The following RORA variants were observed in gnomAD, a reference collection of about 807,000 sequenced individuals.
The protein encoded by RORA is RAR related orphan receptor A.
Under a neutral mutation model 69.5 loss-of-function variants are expected in RORA, and 7 were observed. That is an observed-to-expected ratio of 0.10 (90% CI 0.06 to 0.19). The LOEUF (loss-of-function observed/expected upper bound fraction) is 0.19, where lower values mean the gene tolerates loss of function less well. RORA is among the 10% of genes least tolerant of loss of function. The probability of loss-of-function intolerance (pLI) is 1.00; values close to 1 mark genes in which losing one functional copy is unlikely to be tolerated. For synonymous variants in RORA, 261 were observed against 240.8 expected, an observed-to-expected ratio of 1.08 and a Z score of -0.78; for missense variants, 457 against 663.0, an observed-to-expected ratio of 0.69 and a Z score of 3.41.
chr15:61,017,511 CT>C, intron 1 of RORA, among the ~76,000 whole-genome samples: 1 of 151,896 alleles, frequency 6.6e-6, no homozygotes, highest in Non-Finnish European at 1.5e-5. Context: ...AGTTTGCAAG[CT>C]TAAAAAAAAG....
At chr15:60,506,472 C>T (rs1251824696) in intron 5 of RORA, among the ~76,000 whole-genome samples, 1 of 152,110 alleles carries the variant, frequency 6.6e-6, no homozygotes, top group Admixed American at 6.5e-5. Flanking sequence ...TATGAACACA[C>T]TGGAAGGACA....
chr15:60,648,485 C>T (rs548360912), intron 2 of RORA, among the ~76,000 whole-genome samples: 6 of 152,170 alleles, frequency 3.9e-5, no homozygotes, highest in Non-Finnish European at 8.8e-5. Flanking sequence ...CTTCCACAAG[C>T]CTAGGATAAA....
In RORA at chr15:60,711,861, T is replaced by C. The variant is rs568773567; in HGVS notation, c.167-33175A>G. On this transcript the variant is annotated intron_variant, in intron 1 of 10. Transcript: ENST00000335670. ...AATCCAACATTTAAAATACCGCTAC[T>C]GAAACAAATTATATGATAATAAAAC... Among the ~76,000 whole-genome samples, 5 of 152,304 alleles carry C rather than the reference T, an allele frequency of 3.3e-5. No individual in the cohort carries two copies. The East Asian group carries it at 7.7e-4, about 23-fold the overall frequency.
At chr15:60,883,150 AAGAAAG>A (rs1337841703) in intron 1 of RORA, among the ~76,000 whole-genome samples, 3 of 48,590 alleles carry the variant, frequency 6.2e-5, no homozygotes, top group African/African-American at 8.3e-5. Context: ...AAAAAAAAAA[AAGAAAG>A]AGAGAGAGAG....
intron 2 of RORA, among the ~76,000 whole-genome samples, chr15:60,541,904 C>T (rs1276452156): frequency 6.6e-6 from 1 of 152,180 alleles, no homozygotes; most frequent in South Asian, 2.1e-4. Context: ...CCTTCCTATT[C>T]CATTTTCAGT....
intron 1 of RORA, among the ~76,000 whole-genome samples, chr15:60,941,394 G>A (rs545564352): frequency 5.9e-5 from 9 of 152,344 alleles, no homozygotes; most frequent in South Asian, 2.1e-4. Context: ...TTGGCGTCTC[G>A]CGATTCCATT....
intron 1 of RORA, among the ~76,000 whole-genome samples, chr15:60,709,942 G>C (rs554384032): frequency 1.2e-4 from 18 of 152,242 alleles, no homozygotes; most frequent in African/African-American, 3.4e-4. Context: ...CCCTGCCTCT[G>C]TATGCCACAT....
At chr15:60,780,733 T>C (rs1273879444) in intron 1 of RORA, among the ~76,000 whole-genome samples, 2 of 152,156 alleles carry the variant, frequency 1.3e-5, no homozygotes, top group African/African-American at 4.8e-5. Context: ...CGTGTAGCCA[T>C]GTAGTCGTAA....
At chr15:60,936,634 A>T (rs74017882) in intron 1 of RORA, among the ~76,000 whole-genome samples, 1,666 of 152,338 alleles carry the variant, frequency 0.011, 33 homozygotes, top group African/African-American at 0.037. Flanking sequence ...ACCAGCAAGG[A>T]TGGTTCTGCC....
chr15:61,193,677 G>C (rs1015455795), intron 1 of RORA, among the ~76,000 whole-genome samples: 2 of 152,140 alleles, frequency 1.3e-5, no homozygotes, highest in Non-Finnish European at 2.9e-5. Flanking sequence ...AGCTCCATTT[G>C]CTTATGAAGA....
intron 1 of RORA, among the ~76,000 whole-genome samples, chr15:60,974,484 G>C (rs1287141926): frequency 8.0e-6 from 1 of 125,252 alleles, no homozygotes; most frequent in African/African-American, 2.8e-5. Flanking sequence ...CTGCTAAGGA[G>C]AGTGTGATTA....
intron 1 of RORA, among the ~76,000 whole-genome samples, chr15:61,103,748 T>C (rs2078912934): frequency 6.6e-6 from 1 of 152,152 alleles, no homozygotes; most frequent in Non-Finnish European, 1.5e-5. Context: ...TAAAGACCTT[T>C]ATGTGTGGGC....
chr15:61,133,960 G>A (rs74863004), intron 1 of RORA, among the ~76,000 whole-genome samples: 3 of 152,252 alleles, frequency 2.0e-5, no homozygotes, highest in African/African-American at 7.2e-5. Context: ...TGAAAGGAGA[G>A]GCCAAGTTTG....
Position 60,896,721 on chromosome 15 carries a change from G to A in RORA, c.167-218035C>T, listed in dbSNP as rs541660816. 6.0e-4 allele frequency among the ~76,000 whole-genome samples: 85 copies of A among 141,748 alleles called. No homozygotes were observed. The South Asian group carries it at 0.018, about 30-fold the overall frequency. 93.0% of individuals were successfully genotyped at this position (141,748 alleles called of 152,430 possible). A position where few individuals can be genotyped will look rare whatever the true frequency, so the allele number is the denominator to read the frequency against. On this transcript the variant is annotated intron_variant, in intron 1 of 10. Coordinates refer to ENST00000335670, the MANE Select transcript of RORA (RefSeq NM_134261.3). ...AAGCCTGTTTAATTAGCAAGACTCT[G>A]GAGAATTTAGCTTTTTTTTTTTTTT...
chr15:61,164,084 G>A (rs554574933), intron 1 of RORA, among the ~76,000 whole-genome samples: 2 of 152,144 alleles, frequency 1.3e-5, no homozygotes, highest in East Asian at 1.9e-4. Flanking sequence ...GAGAGTGTAG[G>A]TGTCTGTGCA....
At chr15:61,081,349 G>T (rs1265404931) in intron 1 of RORA, among the ~76,000 whole-genome samples, 1 of 152,144 alleles carries the variant, frequency 6.6e-6, no homozygotes, top group African/African-American at 2.4e-5. Context: ...AGAGGGAAAT[G>T]AACTAGATAC....
chr15:60,537,462 G>A lies in RORA; in HGVS notation c.197-5611C>T, dbSNP rs2066715368. 6.6e-6 allele frequency among the ~76,000 whole-genome samples: 1 copy of A among 152,098 alleles called. No individual in the cohort carries two copies. The highest frequency in any genetic ancestry group is 2.4e-5 in the African/African-American group (1 of 41,388). On this transcript the variant is annotated intron_variant, in intron 2 of 10. Transcript: ENST00000335670. This position sits in a 1 kb window ranked among gnomAD's most constrained non-coding sequence, Gnocchi z 4.9. ...GTAGTGCCCCTTCTCTACAGTGCTA[G>A]GAGTGGACAGTTCAGGGAGCAACAT...
At chr15:60,755,095 T>C (rs1233946377) in intron 1 of RORA, among the ~76,000 whole-genome samples, 4 of 150,586 alleles carry the variant, frequency 2.7e-5, no homozygotes, top group Non-Finnish European at 5.9e-5. Context: ...TAACTCGTCA[T>C]TTAGCATTAG....
At chr15:60,866,280 C>T (rs151103560) in intron 1 of RORA, among the ~76,000 whole-genome samples, 1 of 152,200 alleles carries the variant, frequency 6.6e-6, no homozygotes, top group Non-Finnish European at 1.5e-5. Flanking sequence ...GTTTTAGCTC[C>T]CACATATTAA....
Sources: gnomAD v4.1 joint callset for allele counts (sites outside exome capture counted in the v4.1 genomes callset) on GRCh38, gnomAD v4.1.1 for gene constraint, Gnocchi (gnomAD v3.1) non-coding constraint, MANE v1.5 for transcripts, NCBI Gene and HGNC (gene_info 2026-07-23, HGNC 2026-07-21) for gene names.